CLSTN2: variants seen among roughly 807,000 people sequenced by gnomAD.
CLSTN2 encodes calsyntenin 2, also known as calsyntenin-2.
Under a neutral mutation model 101.2 loss-of-function variants are expected in CLSTN2, and 48 were observed. The ratio of observed to expected loss-of-function variants is 0.47; its 90% CI spans 0.38 to 0.60. The LOEUF (loss-of-function observed/expected upper bound fraction) is 0.60, where lower values mean the gene tolerates loss of function less well. CLSTN2 is among the 20% of genes least tolerant of loss of function. The probability of loss-of-function intolerance (pLI) is 0.00; values close to 1 mark genes in which losing one functional copy is unlikely to be tolerated. For missense variants in CLSTN2, 1,160 were observed against 1,238.2 expected (o/e 0.94, Z 0.95); for synonymous variants, 481 against 463.6 (o/e 1.04, Z -0.48).
At chr3:140,248,201 C>T (rs2086532575) in intron 2 of CLSTN2, among the ~76,000 whole-genome samples, 1 of 152,180 alleles carries the variant, frequency 6.6e-6, no homozygotes, top group Non-Finnish European at 1.5e-5. Context: ...AAAGCATTAG[C>T]TTTGAATGCC....
At chr3:140,238,844 A>C (rs2086437155) in intron 2 of CLSTN2, among the ~76,000 whole-genome samples, 1 of 152,216 alleles carries the variant, frequency 6.6e-6, no homozygotes, top group Non-Finnish European at 1.5e-5. Flanking sequence ...ATTTGGCTAC[A>C]AAGAAATATG....
chr3:140,060,471 T>C (rs901414816), intron 1 of CLSTN2, among the ~76,000 whole-genome samples: 4 of 152,284 alleles, frequency 2.6e-5, no homozygotes, highest in African/African-American at 7.2e-5. Flanking sequence ...GGCTTGACTT[T>C]CCCAGGTAAG....
intron 2 of CLSTN2, among the ~76,000 whole-genome samples, chr3:140,195,644 A>C (rs1445347020): frequency 6.6e-6 from 1 of 152,196 alleles, no homozygotes; most frequent in African/African-American, 2.4e-5. Flanking sequence ...TTTTGTGTTG[A>C]ATTTCCAAAT....
intron 2 of CLSTN2, among the ~76,000 whole-genome samples, chr3:140,378,209 A>G (rs3943278): frequency 0.96 from 145,658 of 152,258 alleles, 69,997 homozygotes; most frequent in East Asian, 1. Context: ...AATTTTCTTC[A>G]AATGTATCCC....
chr3:140,200,949 A>T (rs1269559081), intron 2 of CLSTN2, among the ~76,000 whole-genome samples: 1 of 152,098 alleles, frequency 6.6e-6, no homozygotes, highest in Non-Finnish European at 1.5e-5. Flanking sequence ...TAACCTTGAA[A>T]CTGCTTGTTC....
At chr3:140,050,386 C>T (rs552478491) in intron 1 of CLSTN2, among the ~76,000 whole-genome samples, 1 of 152,270 alleles carries the variant, frequency 6.6e-6, no homozygotes, top group South Asian at 2.1e-4. Flanking sequence ...GGCAATTTCA[C>T]ATAGTTCAGA....
intron 8 of CLSTN2, among the ~76,000 whole-genome samples, chr3:140,492,133 C>T (rs1020997878): frequency 3.5e-5 from 5 of 141,232 alleles, no homozygotes; most frequent in Non-Finnish European, 4.6e-5. Context: ...ACCAAGCACC[C>T]ACCATAATGG....
intron 1 of CLSTN2, among the ~76,000 whole-genome samples, chr3:140,034,055 G>A (rs2007608976): frequency 6.6e-6 from 1 of 152,204 alleles, no homozygotes; most frequent in Non-Finnish European, 1.5e-5. Flanking sequence ...GATCAAATGT[G>A]TATGACTCTA....
At chr3:140,035,517 TC>T (rs1015967050) in intron 1 of CLSTN2, among the ~76,000 whole-genome samples, 8 of 152,200 alleles carry the variant, frequency 5.3e-5, no homozygotes, top group African/African-American at 1.9e-4. Context: ...TCAGTTGGAA[TC>T]CAAGTTCTAA....
chr3:140,007,032 T>C (rs2006972854), intron 1 of CLSTN2, among the ~76,000 whole-genome samples: 1 of 152,192 alleles, frequency 6.6e-6, no homozygotes, highest in Admixed American at 6.5e-5. Context: ...TTTTTCCTTT[T>C]GCCTCAGGCT....
chr3:140,061,734 C>A (rs2008208590), intron 1 of CLSTN2, among the ~76,000 whole-genome samples: 2 of 152,236 alleles, frequency 1.3e-5, no homozygotes, highest in Non-Finnish European at 1.5e-5. Context: ...CATTCTGCAC[C>A]AAGGCAGATG....
At chr3:140,393,664 T>C (rs1258097419) in intron 2 of CLSTN2, among the ~76,000 whole-genome samples, 1 of 151,976 alleles carries the variant, frequency 6.6e-6, no homozygotes, top group East Asian at 1.9e-4. Flanking sequence ...CAAGTAAGAG[T>C]TAACCAAGGT....
chr3:140,369,577 T>TAA (rs11373352), intron 2 of CLSTN2, among the ~76,000 whole-genome samples: 33 of 151,404 alleles, frequency 2.2e-4, no homozygotes, highest in South Asian at 6.3e-4. Flanking sequence ...AATAATTTGT[T>TAA]AAAAAAAAAT....
At chr3:140,167,728 G>C (rs1365621680) in intron 1 of CLSTN2, among the ~76,000 whole-genome samples, 3 of 151,984 alleles carry the variant, frequency 2.0e-5, no homozygotes, top group Non-Finnish European at 4.4e-5. Flanking sequence ...CCAAACCCTA[G>C]CCACTACTGA....
intron 1 of CLSTN2, among the ~76,000 whole-genome samples, chr3:140,114,300 A>C (rs550558481): frequency 6.6e-6 from 1 of 152,170 alleles, no homozygotes; most frequent in Non-Finnish European, 1.5e-5. Flanking sequence ...TTTCTTTGCC[A>C]AGAATGCTCT....
At chr3:140,098,179 C>A (rs146961949) in intron 1 of CLSTN2, among the ~76,000 whole-genome samples, 119 of 152,196 alleles carry the variant, frequency 7.8e-4, no homozygotes, top group African/African-American at 2.8e-3. Flanking sequence ...TTCAAGAATG[C>A]CACAAAGCAA....
intron 1 of CLSTN2, among the ~76,000 whole-genome samples, chr3:140,024,049 C>T (rs537072546): frequency 3.3e-5 from 5 of 152,252 alleles, no homozygotes; most frequent in Non-Finnish European, 1.5e-5. Flanking sequence ...GTGTGAACCC[C>T]GGCTCTGCTA....
rs577509557 is a variant in CLSTN2 at position 139,956,788 on chromosome 3, T to A, written c.109+21305T>A. Among the ~76,000 whole-genome samples, 7 of 152,240 alleles carry A rather than the reference T, an allele frequency of 4.6e-5. No individual in the cohort carries two copies. In the South Asian group the frequency reaches 1.5e-3, roughly 32 times the overall value. ...TAGGATTCCCTGAAAAGCAAAAATA[T>A]CTTAATTAAAAAAATACATAATTTA... On this transcript the variant is annotated intron_variant, in intron 1 of 16. Transcript: ENST00000458420.
chr3:140,411,315 CAA>C (rs2088360183), intron 4 of CLSTN2, among the ~76,000 whole-genome samples: 1 of 151,848 alleles, frequency 6.6e-6, no homozygotes, highest in South Asian at 2.1e-4. Context: ...TCAAAAACTG[CAA>C]AAAGAGACAA....
Sources: allele counts gnomAD v4.1 joint callset (sites outside exome capture counted in the v4.1 genomes callset), GRCh38; gene constraint gnomAD v4.1.1; transcripts MANE v1.5; gene names NCBI Gene and HGNC (gene_info 2026-07-23, HGNC 2026-07-21).